Variants in PATJ observed in about 807,000 individuals in gnomAD.
PATJ encodes PATJ crumbs cell polarity complex component, also known as inaD-like protein.
In PATJ, 190 loss-of-function variants were observed where a neutral mutation model predicts 224.9. That is an observed-to-expected ratio of 0.84 (90% CI 0.75 to 0.95). PATJ has a LOEUF of 0.95. Among genes scored for constraint, PATJ ranks in the 40% least tolerant of loss-of-function variants. The probability of loss-of-function intolerance (pLI) is 0.00; values close to 1 mark genes in which losing one functional copy is unlikely to be tolerated. For missense variants in PATJ, 2,121 were observed against 2,270.3 expected, an observed-to-expected ratio of 0.93 and a Z score of 1.34; for synonymous variants, 769 against 820.3, an observed-to-expected ratio of 0.94 and a Z score of 1.07.
chr1:61,937,145 C>T (rs927659007), intron 27 of PATJ, among the ~76,000 whole-genome samples: 1 of 152,142 alleles, frequency 6.6e-6, no homozygotes, highest in Non-Finnish European at 1.5e-5. Context: ...CATATACACA[C>T]AACATTTTAT....
intron 30 of PATJ, among the ~76,000 whole-genome samples, chr1:62,044,415 T>G (rs1652122937): frequency 6.6e-6 from 1 of 152,164 alleles, no homozygotes; most frequent in Non-Finnish European, 1.5e-5. Flanking sequence ...AACAATCTGA[T>G]CAAGGCTGTA....
rs568129524 is a variant in PATJ at position 61,874,990 on chromosome 1, CTTA to C, written c.2836-249_2836-247del. ...CTTGGTAAATGTTTATTTAAATCCA[CTTA>C]TTAATGCTTATAAAACAGTTTTTTT... On this transcript the variant is annotated intron_variant, in intron 20 of 43. Transcript: ENST00000642238. 1.5e-3 allele frequency among the ~76,000 whole-genome samples: 230 copies of C among 152,272 alleles called. 1 individual carries two copies. Among genetic ancestry groups the C allele is most frequent in the African/African-American group, 5.5e-3 (227 of 41,554 alleles).
chr1:62,047,242 G>A (rs1652728456), intron 30 of PATJ, among the ~76,000 whole-genome samples: 1 of 152,182 alleles, frequency 6.6e-6, no homozygotes, highest in African/African-American at 2.4e-5. Flanking sequence ...CTAATGTGCT[G>A]CAGCTACAAA....
At chr1:61,936,326 A>C (rs1377940461) in intron 27 of PATJ, among the ~76,000 whole-genome samples, 1 of 151,404 alleles carries the variant, frequency 6.6e-6, no homozygotes, top group African/African-American at 2.4e-5. Flanking sequence ...CTTCTTGCAA[A>C]AAATATTCTA....
intron 17 of PATJ, among the ~76,000 whole-genome samples, chr1:61,843,277 G>A (rs771166825): frequency 1.1e-4 from 16 of 152,158 alleles, no homozygotes; most frequent in Non-Finnish European, 1.8e-4. Context: ...GTATGGTTGA[G>A]AGGACTAGCT....
At chr1:62,155,506 C>T (rs1669091728) in intron 43 of PATJ, among the ~76,000 whole-genome samples, 1 of 151,970 alleles carries the variant, frequency 6.6e-6, no homozygotes, top group Non-Finnish European at 1.5e-5. Context: ...CACAGTGGGA[C>T]AAGAGTAGTG....
chr1:62,142,418 TG>T (rs1667598939), intron 41 of PATJ, among the ~76,000 whole-genome samples: 1 of 152,168 alleles, frequency 6.6e-6, no homozygotes, highest in South Asian at 2.1e-4. Flanking sequence ...CCCTGCTCTG[TG>T]GAAATTCAGA....
intron 31 of PATJ, among the ~76,000 whole-genome samples, chr1:62,077,410 G>A (rs1000030010): frequency 5.9e-5 from 9 of 151,960 alleles, no homozygotes; most frequent in African/African-American, 1.2e-4. Flanking sequence ...TGATAGTGGC[G>A]GGGCACAGTG....
At chr1:61,885,436 T>C (rs1668679622) in intron 22 of PATJ, among the ~76,000 whole-genome samples, 1 of 152,222 alleles carries the variant, frequency 6.6e-6, no homozygotes, top group Admixed American at 6.5e-5. Context: ...ATGCTCATCA[T>C]CACTGGCCAT....
At chr1:62,072,288 T>A (rs1474081746) in intron 31 of PATJ, among the ~76,000 whole-genome samples, 1 of 151,440 alleles carries the variant, frequency 6.6e-6, no homozygotes. Flanking sequence ...TAGCCGTGGT[T>A]TTTTTTGTTT....
chr1:62,065,894 T>A (rs1187710176), intron 31 of PATJ, among the ~76,000 whole-genome samples: 1 of 152,214 alleles, frequency 6.6e-6, no homozygotes, highest in Non-Finnish European at 1.5e-5. Flanking sequence ...CAGAAACAAG[T>A]GCTGCTGCTT....
rs184212808 is a variant in PATJ, at chr1:62,034,594, G to T, written c.3960-3383G>T. ...AAATGCCTTCTCTCCTTTGGTTGCC[G>T]TCTTCCTACTTTTCTCTTTAAAATA... On this transcript the variant is annotated intron_variant, in intron 29 of 43. Transcript: ENST00000642238. Among the ~76,000 whole-genome samples, 71 of 152,216 alleles carry T rather than the reference G, an allele frequency of 4.7e-4. No individual in the cohort carries two copies. The East Asian group carries it at 5.0e-3, about 11-fold the overall frequency.
At position 62,073,575 on chromosome 1, in the gene PATJ, A is replaced by G. The variant is rs1570455069; in HGVS notation, c.4126-5875A>G. Reference sequence around the variant, plus strand: ...TTGAACCTGGGAGGCAGAGGTTACAATGAGCCAAGATTGCACCACTGCGCT... The same window carrying G: ...TTGAACCTGGGAGGCAGAGGTTACAGTGAGCCAAGATTGCACCACTGCGCT... On this transcript the variant is annotated intron_variant, in intron 31 of 43. Transcript: ENST00000642238. Among the ~76,000 whole-genome samples the G allele has an allele frequency of 2.0e-5, 3 of 152,240 alleles. No individual in the cohort carries two copies. In the South Asian group the frequency reaches 6.2e-4, roughly 32 times the overall value.
chr1:62,036,818 G>A (rs185711696), intron 29 of PATJ, among the ~76,000 whole-genome samples: 2 of 133,786 alleles, frequency 1.5e-5, no homozygotes, highest in African/African-American at 2.8e-5. Flanking sequence ...GCTGCAGTGA[G>A]CTGAGGTTGT....
chr1:62,071,519 A>C (rs555624550), intron 31 of PATJ, among the ~76,000 whole-genome samples: 2 of 142,220 alleles, frequency 1.4e-5, no homozygotes, highest in African/African-American at 5.2e-5. Context: ...TTGAGACAGA[A>C]TCTTGCTCTG....
intron 26 of PATJ, among the ~76,000 whole-genome samples, chr1:61,921,781 G>A (rs1047366644): frequency 3.9e-5 from 6 of 152,268 alleles, no homozygotes; most frequent in African/African-American, 1.4e-4. Flanking sequence ...GGAATGAGGT[G>A]TCAGGGGAAG....
chr1:61,847,318 T>A (rs1186628107), intron 17 of PATJ, among the ~76,000 whole-genome samples: 1 of 152,242 alleles, frequency 6.6e-6, no homozygotes, highest in African/African-American at 2.4e-5. Context: ...TAAGAATATA[T>A]TTTGATCTTT....
intron 35 of PATJ, among the ~76,000 whole-genome samples, 196 bp from the exon 36 acceptor site, chr1:62,116,336 G>A (rs1664436523): frequency 6.6e-6 from 1 of 152,168 alleles, no homozygotes; most frequent in South Asian, 2.1e-4. Context: ...TCATAGAATA[G>A]TATGTAGCTA....
In PATJ at chr1:62,075,938, G is replaced by A. The variant is rs368926261; in HGVS notation, c.4126-3512G>A. On this transcript the variant is annotated intron_variant, in intron 31 of 43. Coordinates refer to ENST00000642238, the MANE Select transcript of PATJ (RefSeq NM_001350145.3). ...GTCTCAAAAAAAAAAAAAAAGAAAA[G>A]AAAAACACTGACAAGTACAATTTTG... Among the ~76,000 whole-genome samples, 1,188 of 148,660 alleles carry A rather than the reference G, an allele frequency of 8.0e-3. 15 individuals carry two copies. The highest frequency in any genetic ancestry group is 0.027 in the African/African-American group (1,098 of 40,438).
Sources: gnomAD v4.1 joint callset for allele counts (sites outside exome capture counted in the v4.1 genomes callset) on GRCh38, gnomAD v4.1.1 for gene constraint, MANE v1.5 for transcripts, NCBI Gene and HGNC (gene_info 2026-07-23, HGNC 2026-07-21) for gene names.